The following AKR1E2 variants were observed in gnomAD, a reference collection of about 807,000 sequenced individuals.
The protein encoded by AKR1E2 is 1,5-anhydro-D-fructose reductase.
In AKR1E2, 43 loss-of-function variants were observed where a neutral mutation model predicts 41.9. The observed-to-expected ratio is 1.03, with a 90% CI of 0.80 to 1.32. AKR1E2 has a LOEUF of 1.32. Among genes scored for constraint, AKR1E2 ranks in the 40% most tolerant of loss-of-function variants. AKR1E2 has a pLI of 0.00. For missense variants in AKR1E2, 423 were observed against 396.5 expected, an observed-to-expected ratio of 1.07 and a Z score of -0.57; for synonymous variants, 121 against 138.9, an observed-to-expected ratio of 0.87 and a Z score of 0.91.
chr10:4,847,875 C>G lies in AKR1E2; in HGVS notation c.*345C>G. 1 of 244,490 alleles carries G rather than the reference C, an allele frequency of 4.1e-6. No homozygotes were observed. Among genetic ancestry groups the G allele is most frequent in the Non-Finnish European group, 7.8e-6 (1 of 128,360 alleles). The allele number at this position is 244,490 out of a possible 1,614,324, so 15.1% of individuals were successfully genotyped here. On this transcript the variant is annotated 3_prime_UTR_variant, in exon 10 of 10. Coordinates refer to ENST00000298375, the MANE Select transcript of AKR1E2 (RefSeq NM_001040177.3). The stretch of plus-strand genomic sequence containing the variant: ...AGGAAACAGTGTAATGTGTCTCTGC[C>G]CCATTGCGCAGCTCCACCCATTGTG...
chr10:4,854,549 A>AC, the AKR1E2 span, among the ~76,000 whole-genome samples: 2 of 151,340 alleles, frequency 1.3e-5, no homozygotes, highest in African/African-American at 4.9e-5. Flanking sequence ...ATAGTGAGGA[A>AC]CCCCCCGCCC....
intron 2 of AKR1E2, among the ~76,000 whole-genome samples, chr10:4,832,385 G>A (rs956850949): frequency 2.0e-5 from 3 of 152,208 alleles, no homozygotes; most frequent in Middle Eastern, 3.2e-3. Flanking sequence ...AGCAGAGGGT[G>A]GTAAGAGAGC....
At chr10:4,866,314 C>A in the AKR1E2 span, among the ~76,000 whole-genome samples, 3 of 152,170 alleles carry the variant, frequency 2.0e-5, no homozygotes, top group Non-Finnish European at 2.9e-5. Flanking sequence ...AGCACTGGAA[C>A]CAGTTTTCTG....
intron 2 of AKR1E2, among the ~76,000 whole-genome samples, chr10:4,831,480 C>G (rs533285864): frequency 9.2e-5 from 14 of 152,178 alleles, no homozygotes; most frequent in Non-Finnish European, 1.5e-4. Flanking sequence ...TACATGGTAG[C>G]AGACAAGAGA....
the AKR1E2 span, among the ~76,000 whole-genome samples, chr10:4,872,092 G>A: frequency 6.6e-6 from 1 of 152,140 alleles, no homozygotes; most frequent in African/African-American, 2.4e-5. Flanking sequence ...ATTGCATGAT[G>A]CTGTTTTGAA....
downstream of AKR1E2, among the ~76,000 whole-genome samples, chr10:4,851,117 CAT>C (rs1328279694): frequency 1.3e-5 from 2 of 152,338 alleles, no homozygotes; most frequent in African/African-American, 2.4e-5. Context: ...AGAACAGTGA[CAT>C]GTGATGCGAC....
chr10:4,824,988 A>G, upstream of AKR1E2: 2 of 455,426 alleles, frequency 4.4e-6, no homozygotes, highest in Non-Finnish European at 8.8e-6. Flanking sequence ...GGCAAGGCCC[A>G]TGCAGGTCAT....
the AKR1E2 span, among the ~76,000 whole-genome samples, chr10:4,861,417 A>G: frequency 5.3e-5 from 8 of 151,922 alleles, no homozygotes; most frequent in Admixed American, 5.3e-4. Context: ...ATTGTCCAGG[A>G]TGGAGTGCAA....
At chr10:4,868,498 G>A in the AKR1E2 span, among the ~76,000 whole-genome samples, 33,163 of 152,066 alleles carry the variant, frequency 0.22, 3,834 homozygotes, top group Middle Eastern at 0.33. Context: ...AGTCAATCAC[G>A]TCACCTGCAA....
intron 5 of AKR1E2, among the ~76,000 whole-genome samples, chr10:4,839,097 T>C (rs1833669444): frequency 6.6e-6 from 1 of 152,228 alleles, no homozygotes; most frequent in African/African-American, 2.4e-5. Flanking sequence ...TGGAATTATA[T>C]GTGAGAGTTT....
rs1588473496 is a variant in AKR1E2, at chr10:4,842,460, A to G, written c.793A>G (p.Ile265Val). ...TCAAATCCAGAGGAATGTGATAGTGATCCCCGGATCTATCACCCCAAGTCA... is the reference window on the plus strand; with the variant it reads ...TCAAATCCAGAGGAATGTGATAGTGGTCCCCGGATCTATCACCCCAAGTCA... ...RFQIQRNVIV[I>V]PGSITPSHIK... The change falls in exon 8 of 10, where the codon ATC becomes GTC. Residue 265 changes from isoleucine to valine, a missense_variant. Coordinates refer to ENST00000298375, the MANE Select transcript of AKR1E2 (RefSeq NM_001040177.3). 4 of 1,614,186 alleles carry G rather than the reference A, an allele frequency of 2.5e-6. No homozygotes were observed. In the East Asian group the frequency reaches 8.9e-5, roughly 36 times the overall value.
At chr10:4,854,365 T>G in the AKR1E2 span, among the ~76,000 whole-genome samples, 1 of 152,172 alleles carries the variant, frequency 6.6e-6, no homozygotes, top group African/African-American at 2.4e-5. Context: ...GTGCTGGGAT[T>G]ATAGGCATGA....
At chr10:4,873,082 C>T in the AKR1E2 span, among the ~76,000 whole-genome samples, 22 of 152,206 alleles carry the variant, frequency 1.4e-4, no homozygotes, top group East Asian at 4.3e-3. Context: ...CCCACAATTC[C>T]CATGTGTCGT....
At chr10:4,833,701 C>T (rs1021437229) in intron 3 of AKR1E2, among the ~76,000 whole-genome samples, 2 of 152,114 alleles carry the variant, frequency 1.3e-5, no homozygotes, top group Non-Finnish European at 2.9e-5. Context: ...TCAAGCCAGT[C>T]GCTTTTTTTC....
chr10:4,841,681 T>A, intron 6 of AKR1E2, 104 bp from the exon 7 acceptor site: 1 of 887,992 alleles, frequency 1.1e-6, no homozygotes. Context: ...TGTGTCATGA[T>A]CAGAAAATAA....
At position 4,847,612 on chromosome 10, in the gene AKR1E2, C is replaced by A; in HGVS notation, c.*82C>A. ...TGTTGACCCTCCTCTGTCATCACAG[C>A]GCCAGGGCAGCTGTGCCTGGGACAG... On this transcript the variant is annotated 3_prime_UTR_variant, in exon 10 of 10. Coordinates refer to ENST00000298375, the MANE Select transcript of AKR1E2 (RefSeq NM_001040177.3). 6.6e-7 allele frequency: 1 copy of A among 1,521,452 alleles called. No individual in the cohort carries two copies. The highest frequency in any genetic ancestry group is 1.4e-5 in the African/African-American group (1 of 72,636). 94.2% of individuals were successfully genotyped at this position (1,521,452 alleles called of 1,614,324 possible). A position where few individuals can be genotyped will look rare whatever the true frequency, so the allele number is the denominator to read the frequency against.
intron 8 of AKR1E2, among the ~76,000 whole-genome samples, chr10:4,846,487 A>G (rs1834346267): frequency 6.6e-6 from 1 of 152,010 alleles, no homozygotes; most frequent in African/African-American, 2.4e-5. Context: ...GGTGTATGGA[A>G]CAAATTGTTT....
At chr10:4,827,076 A>G (rs1228726486) in intron 1 of AKR1E2, among the ~76,000 whole-genome samples, 3 of 27,308 alleles carry the variant, frequency 1.1e-4, no homozygotes, top group Admixed American at 6.1e-4. Flanking sequence ...ACCTTGCTGG[A>G]AAAAAAAAAA....
intron 5 of AKR1E2, among the ~76,000 whole-genome samples, chr10:4,839,264 A>G (rs929084524): frequency 6.6e-6 from 1 of 152,308 alleles, no homozygotes; most frequent in East Asian, 1.9e-4. Flanking sequence ...GATTGTTCTT[A>G]GTGTTGGTGA....
Sources: allele counts gnomAD v4.1 joint callset (sites outside exome capture counted in the v4.1 genomes callset), GRCh38; gene constraint gnomAD v4.1.1; transcripts MANE v1.5; gene names NCBI Gene and HGNC (gene_info 2026-07-23, HGNC 2026-07-21).